BAZ2B: variants seen among roughly 807,000 people sequenced by gnomAD.
BAZ2B encodes the protein bromodomain adjacent to zinc finger domain protein 2B.
Under a neutral mutation model 246.0 loss-of-function variants are expected in BAZ2B, and 91 were observed. That is an observed-to-expected ratio of 0.37 (90% CI 0.31 to 0.44). The LOEUF (loss-of-function observed/expected upper bound fraction) is 0.44, where lower values mean the gene tolerates loss of function less well. Among genes scored for constraint, BAZ2B ranks in the 20% least tolerant of loss-of-function variants. The pLI, the probability that BAZ2B is intolerant of heterozygous loss-of-function variation, is 1.00. For missense variants in BAZ2B, 2,332 were observed against 2,533.7 expected, an observed-to-expected ratio of 0.92 and a Z score of 1.71; for synonymous variants, 855 against 860.0, an observed-to-expected ratio of 0.99 and a Z score of 0.10.
intron 5 of BAZ2B, 89 bp from the exon 6 acceptor site, chr2:159,447,064 C>T: frequency 1.1e-6 from 1 of 881,636 alleles, no homozygotes; most frequent in Non-Finnish European, 1.6e-6. Context: ...GTTGGATGAA[C>T]TTGAAAATAT....
rs113359175 is a variant in BAZ2B, at chr2:159,579,528, C to T, written c.-45-23663G>A. Among the ~76,000 whole-genome samples the T allele has an allele frequency of 4.5e-3, 683 of 152,284 alleles. 3 individuals are homozygous for T. Among genetic ancestry groups the T allele is most frequent in the African/African-American group, 0.015 (624 of 41,556 alleles). ...GGAGCTGGTACCATTCCTTCTGAAA[C>T]TATTCCAATCAATAGAAAAAGAGGG... On this transcript the variant is annotated intron_variant, in intron 1 of 36. Coordinates refer to ENST00000392783, the MANE Select transcript of BAZ2B (RefSeq NM_013450.4).
intron 2 of BAZ2B, among the ~76,000 whole-genome samples, chr2:159,538,466 C>A (rs563088581): frequency 6.6e-6 from 1 of 152,320 alleles, no homozygotes; most frequent in Non-Finnish European, 1.5e-5. Flanking sequence ...CTTCCTCCTG[C>A]TTCTTGGCAA....
the BAZ2B span, among the ~76,000 whole-genome samples, chr2:159,664,043 C>G: frequency 3.2e-5 from 2 of 62,832 alleles, no homozygotes; most frequent in Non-Finnish European, 6.3e-5. Flanking sequence ...GACCCCACCA[C>G]AGTCCCCAGA....
At chr2:159,503,833 G>C (rs1437594630) in intron 2 of BAZ2B, among the ~76,000 whole-genome samples, 1 of 152,008 alleles carries the variant, frequency 6.6e-6, no homozygotes. Context: ...CACCTGCCTC[G>C]GCCTCCCAAA....
chr2:159,395,011 A>C (rs1317850155), intron 20 of BAZ2B, among the ~76,000 whole-genome samples: 1 of 152,180 alleles, frequency 6.6e-6, no homozygotes, highest in Non-Finnish European at 1.5e-5. Flanking sequence ...CTTCTAGATC[A>C]AACAGTGTCA....
chr2:159,582,179 C>T (rs1313542878), intron 1 of BAZ2B, among the ~76,000 whole-genome samples: 1 of 152,114 alleles, frequency 6.6e-6, no homozygotes, highest in Non-Finnish European at 1.5e-5. Context: ...CTGCAGAATG[C>T]ATATTTAATT....
the BAZ2B span, chr2:159,689,774 A>G: frequency 1.3e-4 from 68 of 506,216 alleles, 1 homozygote; most frequent in East Asian, 2.5e-3. Flanking sequence ...TTTATTGACC[A>G]CTTCTTTCAA....
At chr2:159,703,388 C>T in the BAZ2B span, among the ~76,000 whole-genome samples, 5 of 152,012 alleles carry the variant, frequency 3.3e-5, no homozygotes, top group African/African-American at 1.2e-4. Flanking sequence ...GCGACTGCGC[C>T]CAGCCAAGGC....
the BAZ2B span, among the ~76,000 whole-genome samples, chr2:159,643,286 A>G: frequency 6.6e-6 from 1 of 152,162 alleles, no homozygotes; most frequent in Non-Finnish European, 1.5e-5. Context: ...GATTGGTTTC[A>G]TTCTGAAGCC....
the BAZ2B span, among the ~76,000 whole-genome samples, chr2:159,710,429 C>T: frequency 2.0e-5 from 3 of 152,018 alleles, no homozygotes; most frequent in Non-Finnish European, 2.9e-5. Flanking sequence ...AGGATGGTCT[C>T]GATCTCCTGA....
chr2:159,570,333 C>T (rs55946200), intron 1 of BAZ2B, among the ~76,000 whole-genome samples: 46,451 of 151,848 alleles, frequency 0.31, 8,880 homozygotes, highest in Admixed American at 0.43. Context: ...TACAGGCGCA[C>T]GCCACCATGC....
Position 159,412,330 on chromosome 2 carries a change from C to T in BAZ2B, c.2677+5G>A. The stretch of plus-strand genomic sequence containing the variant: ...TATTAGTGTCAGACACATTATGTTT[C>T]TTACCTTGAGCTTGCAGTTTTCTTA... On this transcript the variant is annotated splice_donor_5th_base_variant and intron_variant, in intron 14 of 36. Transcript: ENST00000392783. 6.2e-7 allele frequency: 1 copy of T among 1,613,614 alleles called. No individual in the cohort carries two copies.
chr2:159,332,512 GAA>G, intron 34 of BAZ2B, 26 bp downstream of exon 34: 7 of 1,564,604 alleles, frequency 4.5e-6, no homozygotes, highest in Non-Finnish European at 6.0e-6. Context: ...AAAATAAAAT[GAA>G]AAGTTTAGTT....
Position 159,446,943 on chromosome 2 carries a change from A to G in BAZ2B, c.535T>C (p.Ser179Pro). ...VNGSINGSNT[S>P]SVIGINTSVL... ...GATGTGTTGATACCAATTACAGATGATGTATTACTTCCATTTATTGACCCA... is the reference window on the plus strand; with the variant it reads ...GATGTGTTGATACCAATTACAGATGGTGTATTACTTCCATTTATTGACCCA... The change falls in exon 6 of 37, where the codon TCA (serine) becomes CCA (proline). Residue 179 changes from serine (S) to proline (P), a missense_variant. Coordinates refer to ENST00000392783, the MANE Select transcript of BAZ2B (RefSeq NM_013450.4). 1 of 1,590,646 alleles carries G rather than the reference A, an allele frequency of 6.3e-7. No individual in the cohort carries two copies. Among genetic ancestry groups the G allele is most frequent in the Non-Finnish European group, 8.5e-7 (1 of 1,170,764 alleles).
chr2:159,582,258 C>T (rs1687002829), intron 1 of BAZ2B, among the ~76,000 whole-genome samples: 2 of 152,130 alleles, frequency 1.3e-5, no homozygotes, highest in Admixed American at 1.3e-4. Context: ...TACAGCAAAC[C>T]ATTTTAAAGT....
At chr2:159,552,834 T>A (rs949785056) in intron 2 of BAZ2B, among the ~76,000 whole-genome samples, 2 of 152,124 alleles carry the variant, frequency 1.3e-5, no homozygotes, top group Non-Finnish European at 2.9e-5. Flanking sequence ...CCTGGAGTAA[T>A]AAAAATTAAG....
intron 2 of BAZ2B, among the ~76,000 whole-genome samples, chr2:159,519,687 T>TG (rs1205343314): frequency 6.9e-5 from 10 of 143,898 alleles, no homozygotes; most frequent in African/African-American, 2.6e-4. Context: ...TTTTTTTTTT[T>TG]TTTGAGACAG....
At chr2:159,600,372 A>G (rs1044937411) in intron 1 of BAZ2B, among the ~76,000 whole-genome samples, 1 of 152,222 alleles carries the variant, frequency 6.6e-6, no homozygotes, top group Non-Finnish European at 1.5e-5. Context: ...AAATTTAGGA[A>G]TATATGATTA....
chr2:159,339,797 T>C (rs1283235390), intron 31 of BAZ2B, among the ~76,000 whole-genome samples: 1 of 152,148 alleles, frequency 6.6e-6, no homozygotes, highest in African/African-American at 2.4e-5. Flanking sequence ...GACATTATCC[T>C]GGGTGAAATA....
Sources: gnomAD v4.1 joint callset for allele counts (sites outside exome capture counted in the v4.1 genomes callset) on GRCh38, gnomAD v4.1.1 for gene constraint, MANE v1.5 for transcripts, NCBI Gene and HGNC (gene_info 2026-07-23, HGNC 2026-07-21) for gene names.